The following RASSF3 variants were observed in gnomAD, a reference collection of about 807,000 sequenced individuals.
RASSF3 encodes Ras association domain family member 3, also known as ras association domain-containing protein 3.
RASSF3 carries 19 observed loss-of-function variants against 19.9 expected under a neutral mutation model. The observed-to-expected ratio is 0.96, with a 90% CI of 0.67 to 1.40. RASSF3 has a LOEUF of 1.40. RASSF3 is among the 40% of genes most tolerant of loss of function. The pLI is 0.00. For missense variants in RASSF3, 306 were observed against 289.8 expected (o/e 1.06, Z -0.41); for synonymous variants, 110 against 104.2 (o/e 1.06, Z -0.34).
At position 64,695,139 on chromosome 12, in the gene RASSF3, C is replaced by A; in HGVS notation, c.*227C>A. ...TCAGCACCGCAGTGTTACCTCTTGG[C>A]AAGCTGTGAACCTGTCGCCTCATCA... On this transcript the variant is annotated 3_prime_UTR_variant, in exon 5 of 5. Coordinates refer to ENST00000542104, the MANE Select transcript of RASSF3 (RefSeq NM_178169.4). 4.3e-6 allele frequency: 2 copies of A among 464,964 alleles called. No homozygotes were observed. Among genetic ancestry groups the A allele is most frequent in the Non-Finnish European group, 7.7e-6 (2 of 259,340 alleles). The allele number at this position is 464,964 out of a possible 1,614,324, so 28.8% of individuals were successfully genotyped here. A position where few individuals can be genotyped will look rare whatever the true frequency, so the allele number is the denominator to read the frequency against.
chr12:64,659,435 C>T (rs1346404766), intron 1 of RASSF3, among the ~76,000 whole-genome samples: 2 of 152,100 alleles, frequency 1.3e-5, no homozygotes, highest in Non-Finnish European at 2.9e-5. Flanking sequence ...TGGTGAATTC[C>T]GAGGCGGTCT....
At chr12:64,672,189 C>T (rs1291846106) in intron 1 of RASSF3, among the ~76,000 whole-genome samples, 1 of 151,886 alleles carries the variant, frequency 6.6e-6, no homozygotes, top group East Asian at 1.9e-4. Context: ...TACAAACAAT[C>T]CATATATATT....
chr12:64,586,809 G>A (rs1476288906), intron 2 of RASSF3, among the ~76,000 whole-genome samples: 1 of 151,694 alleles, frequency 6.6e-6, no homozygotes, highest in African/African-American at 2.4e-5. Context: ...TGTAATCTCA[G>A]CTACTTGGGA....
At chr12:64,545,620 T>C (rs984321341), downstream of RASSF3, among the ~76,000 whole-genome samples, 1 of 152,032 alleles carries the variant, frequency 6.6e-6, no homozygotes, top group Non-Finnish European at 1.5e-5. Flanking sequence ...AGGGTGAGAA[T>C]CCCCTCATTT....
At chr12:64,598,452 A>T (rs2136144037) in intron 2 of RASSF3, among the ~76,000 whole-genome samples, 1 of 152,330 alleles carries the variant, frequency 6.6e-6, no homozygotes, top group Middle Eastern at 3.4e-3. Flanking sequence ...TCAGTACTTA[A>T]GGTAGTGAAA....
chr12:64,531,886 G>T (rs1367194021), upstream of RASSF3, among the ~76,000 whole-genome samples: 1 of 152,192 alleles, frequency 6.6e-6, no homozygotes, highest in East Asian at 1.9e-4. Context: ...GCTATTTTGG[G>T]GCTGCTGAAG....
At chr12:64,553,459 T>G (rs1869199636) in intron 2 of RASSF3, among the ~76,000 whole-genome samples, 1 of 152,130 alleles carries the variant, frequency 6.6e-6, no homozygotes, top group African/African-American at 2.4e-5. Context: ...TACAAGAAGA[T>G]AGATGCTTCA....
At chr12:64,556,674 TCA>T (rs761447199) in intron 2 of RASSF3, among the ~76,000 whole-genome samples, 3 of 152,052 alleles carry the variant, frequency 2.0e-5, no homozygotes, top group Admixed American at 6.6e-5. Flanking sequence ...CAGTGGGGAC[TCA>T]CAGCTGCCAC....
At chr12:64,674,330 T>TTGC in intron 1 of RASSF3, among the ~76,000 whole-genome samples, 1 of 152,330 alleles carries the variant, frequency 6.6e-6, no homozygotes, top group Admixed American at 6.5e-5. Flanking sequence ...CAGTGAGCTC[T>TTGC]ATGACCAGAT....
Position 64,610,598 on chromosome 12 carries a change from C to G in RASSF3, c.-35C>G, listed in dbSNP as rs776762812. 122 of 1,393,188 alleles carry G rather than the reference C, an allele frequency of 8.8e-5. No individual in the cohort carries two copies. The highest frequency in any genetic ancestry group is 1.1e-4 in the Non-Finnish European group (114 of 1,046,240). The allele number at this position is 1,393,188 out of a possible 1,614,324, so 86.3% of individuals were successfully genotyped here. A position where few individuals can be genotyped will look rare whatever the true frequency, so the allele number is the denominator to read the frequency against. On this transcript the variant is annotated 5_prime_UTR_variant, in exon 1 of 5. Coordinates refer to ENST00000542104, the MANE Select transcript of RASSF3 (RefSeq NM_178169.4). ...ACCCCCTCCCTGGCCGCCTGCGCCC[C>G]GGGGAGGCCGCCCGCGCGCGACGGG...
chr12:64,509,644 A>G (rs1054116138), intron 1 of RASSF3, among the ~76,000 whole-genome samples: 14 of 152,200 alleles, frequency 9.2e-5, no homozygotes, highest in Non-Finnish European at 1.8e-4. Flanking sequence ...TGAATATTTT[A>G]CTTATAGCCT....
At chr12:64,636,180 G>C (rs1179710477) in intron 1 of RASSF3, among the ~76,000 whole-genome samples, 1 of 151,410 alleles carries the variant, frequency 6.6e-6, no homozygotes, top group South Asian at 2.1e-4. Context: ...GCAGTGGTGC[G>C]ATCTCTGCTT....
chr12:64,510,076 G>A (rs1335960718), intron 1 of RASSF3, among the ~76,000 whole-genome samples: 1 of 144,980 alleles, frequency 6.9e-6, no homozygotes, highest in East Asian at 2.0e-4. Flanking sequence ...GGGCGACAGA[G>A]TGAAACTCCA....
intron 1 of RASSF3, among the ~76,000 whole-genome samples, chr12:64,612,539 C>T (rs1252015266): frequency 1.5e-5 from 2 of 134,654 alleles, no homozygotes; most frequent in Non-Finnish European, 3.0e-5. Flanking sequence ...GGAGTGCAGT[C>T]GTGTGATCTC....
At chr12:64,653,037 C>T (rs753178527) in intron 1 of RASSF3, among the ~76,000 whole-genome samples, 2 of 152,158 alleles carry the variant, frequency 1.3e-5, no homozygotes, top group African/African-American at 2.4e-5. Context: ...AGTATCTTTA[C>T]GTCATCTTCT....
intron 1 of RASSF3, among the ~76,000 whole-genome samples, chr12:64,663,651 A>AGCCAGC (rs1204931065): frequency 7.2e-5 from 11 of 151,842 alleles, no homozygotes; most frequent in African/African-American, 2.4e-4. Context: ...GACTACAGGC[A>AGCCAGC]CATGCCACCA....
At chr12:64,527,354 C>T (rs750800786) in intron 1 of RASSF3, among the ~76,000 whole-genome samples, 3 of 152,154 alleles carry the variant, frequency 2.0e-5, no homozygotes, top group Non-Finnish European at 4.4e-5. Context: ...CAGAAGATAA[C>T]GACAGTACCT....
At chr12:64,644,258 T>C (rs541237871) in intron 1 of RASSF3, among the ~76,000 whole-genome samples, 1 of 152,182 alleles carries the variant, frequency 6.6e-6, no homozygotes, top group African/African-American at 2.4e-5. Flanking sequence ...CTGAAATATA[T>C]AGAGAGGGAA....
intron 1 of RASSF3, among the ~76,000 whole-genome samples, chr12:64,619,643 G>T (rs533009017): frequency 2.6e-5 from 4 of 152,240 alleles, no homozygotes; most frequent in African/African-American, 9.6e-5. Context: ...AGAAGATCTT[G>T]GAGTTAACGG....
Sources: allele counts gnomAD v4.1 joint callset (sites outside exome capture counted in the v4.1 genomes callset), GRCh38; gene constraint gnomAD v4.1.1; transcripts MANE v1.5; gene names NCBI Gene and HGNC (gene_info 2026-07-23, HGNC 2026-07-21).